TOGARAM1: variants seen among roughly 807,000 people sequenced by gnomAD.
TOGARAM1 encodes the protein TOG array regulator of axonemal microtubules protein 1.
Under a neutral mutation model 166.6 loss-of-function variants are expected in TOGARAM1, and 100 were observed. The ratio of observed to expected loss-of-function variants is 0.60; its 90% CI spans 0.51 to 0.71. The LOEUF (loss-of-function observed/expected upper bound fraction) is 0.71, where lower values mean the gene tolerates loss of function less well. Ranked by LOEUF, TOGARAM1 falls within the 30% of genes least tolerant of loss-of-function variation. TOGARAM1 has a pLI of 0.00. For missense variants in TOGARAM1, 2,029 were observed against 2,102.7 expected (o/e 0.96, Z 0.69); for synonymous variants, 758 against 763.8 (o/e 0.99, Z 0.13).
Position 44,964,831 on chromosome 14 carries a change from G to C in TOGARAM1, c.2046+364G>C, listed in dbSNP as rs111403989. 3.9e-3 allele frequency among the ~76,000 whole-genome samples: 588 copies of C among 151,064 alleles called. 4 individuals are homozygous for C. The highest frequency in any genetic ancestry group is 0.013 in the African/African-American group (549 of 41,190). The stretch of plus-strand genomic sequence containing the variant: ...ATGAAGATGAGGCCAGTTTCACACA[G>C]TATAGGAAAAAGGTCAGACCTGGGA... On this transcript the variant is annotated intron_variant, in intron 1 of 19. Coordinates refer to ENST00000361462, the MANE Select transcript of TOGARAM1 (RefSeq NM_001308120.2).
rs908161129 is a variant in TOGARAM1, at chr14:44,962,692, G to C, written c.271G>C (p.Gly91Arg). ...GTCTGAGTCTGGAGGCGGTTTGTCA[G>C]GGGGAGATGAAGAGGACACTCGGCT... ...SWSESGGGLS[G>R]GDEEDTRLLQ... Residue 91 changes from glycine to arginine, a missense_variant, in exon 1 of 20, where the codon GGG (glycine) becomes CGG (arginine). Coordinates refer to ENST00000361462, the MANE Select transcript of TOGARAM1 (RefSeq NM_001308120.2). 2 of 1,614,174 alleles carry C rather than the reference G, an allele frequency of 1.2e-6. No individual in the cohort carries two copies.
chr14:45,028,189 T>G lies in TOGARAM1; in HGVS notation c.3518T>G (p.Ile1173Ser). ...TTTTTCATGCAGGCTAAAGTTTCTA[T>G]TTCTAAATCTACTTATAACAAGATG... The part of the protein sequence containing the change: ...VENEKDAKVS[I>S]SKSTYNKMRQ... The change falls in exon 10 of 20, where the codon ATT (isoleucine) becomes AGT (serine). Residue 1173 changes from isoleucine (I) to serine (S), a missense_variant. Ile to Ser is a moderately radical substitution (Grantham distance 142). This residue lies in a region of TOGARAM1 where 1,453 missense variants were observed against 1,432.2 expected (regional missense o/e 1.01). Coordinates refer to ENST00000361462, the MANE Select transcript of TOGARAM1 (RefSeq NM_001308120.2). 2 of 1,571,684 alleles carry G rather than the reference T, an allele frequency of 1.3e-6. No individual in the cohort carries two copies. Among genetic ancestry groups the G allele is most frequent in the Non-Finnish European group, 1.7e-6 (2 of 1,167,244 alleles).
chr14:45,013,388 A>G (rs892376814), intron 7 of TOGARAM1, among the ~76,000 whole-genome samples: 1 of 152,216 alleles, frequency 6.6e-6, no homozygotes, highest in African/African-American at 2.4e-5. Context: ...ATTACCTATC[A>G]AGGCTTATCA....
At chr14:45,036,212 C>T (rs1457967537) in intron 11 of TOGARAM1, among the ~76,000 whole-genome samples, 1 of 142,016 alleles carries the variant, frequency 7.0e-6, no homozygotes, top group African/African-American at 2.6e-5. Flanking sequence ...AAAGGGAAGA[C>T]ATGGCAGTAT....
chr14:45,010,805 G>A (rs1879742466), intron 6 of TOGARAM1, among the ~76,000 whole-genome samples: 1 of 152,142 alleles, frequency 6.6e-6, no homozygotes, highest in Non-Finnish European at 1.5e-5. Flanking sequence ...GTCCTTAGGT[G>A]GGTTGGGGAG....
chr14:44,993,132 A>G (rs1887235958), intron 1 of TOGARAM1, among the ~76,000 whole-genome samples: 1 of 151,568 alleles, frequency 6.6e-6, no homozygotes. Context: ...ATAAAATAAA[A>G]ATAAAATTAG....
intron 1 of TOGARAM1, chr14:44,995,498 AG>A (rs1566617873): frequency 2.0e-6 from 1 of 506,316 alleles, no homozygotes; most frequent in Admixed American, 2.3e-5. Context: ...AGTCTGCTGT[AG>A]GATGGTAAGG....
At chr14:44,975,138 C>T (rs1344745011) in intron 1 of TOGARAM1, among the ~76,000 whole-genome samples, 2 of 152,074 alleles carry the variant, frequency 1.3e-5, no homozygotes, top group Non-Finnish European at 2.9e-5. Flanking sequence ...TGATTAAAAA[C>T]AGAATTTTCC....
At chr14:45,045,424 T>C (rs961115595) in intron 13 of TOGARAM1, among the ~76,000 whole-genome samples, 14 of 150,286 alleles carry the variant, frequency 9.3e-5, no homozygotes, top group Admixed American at 4.0e-4. Flanking sequence ...TGAGAACATA[T>C]GGTTTTTGGT....
chr14:44,995,398 C>T, intron 1 of TOGARAM1: 1 of 450,660 alleles, frequency 2.2e-6, no homozygotes, highest in South Asian at 1.6e-5. Flanking sequence ...TTGTCTAGTA[C>T]TCAAACAAAG....
chr14:45,003,543 TG>T (rs1343103313), intron 3 of TOGARAM1, among the ~76,000 whole-genome samples: 1 of 152,150 alleles, frequency 6.6e-6, no homozygotes, highest in Non-Finnish European at 1.5e-5. Context: ...AGTTTTTCAT[TG>T]AAGTGATCTT....
chr14:45,062,417 T>G (rs1394615376), intron 16 of TOGARAM1, among the ~76,000 whole-genome samples: 1 of 152,178 alleles, frequency 6.6e-6, no homozygotes, highest in Non-Finnish European at 1.5e-5. Flanking sequence ...GTTAGTAGAC[T>G]ATTTTAGTTT....
At chr14:45,034,941 T>G (rs1881346676) in intron 11 of TOGARAM1, among the ~76,000 whole-genome samples, 1 of 152,076 alleles carries the variant, frequency 6.6e-6, no homozygotes, top group African/African-American at 2.4e-5. Flanking sequence ...ACAAAGACAT[T>G]GTAACTGTAA....
At chr14:45,050,740 G>C (rs1453843689) in intron 14 of TOGARAM1, among the ~76,000 whole-genome samples, 1 of 151,856 alleles carries the variant, frequency 6.6e-6, no homozygotes, top group African/African-American at 2.4e-5. Flanking sequence ...TCAGCCTCCT[G>C]AGTTGCTGGG....
chr14:45,032,030 C>T (rs1387456038), intron 10 of TOGARAM1, among the ~76,000 whole-genome samples, 193 bp from the exon 11 acceptor site: 4 of 152,028 alleles, frequency 2.6e-5, no homozygotes, highest in South Asian at 2.1e-4. Context: ...CATTGTGGTG[C>T]GCACCTGTAG....
rs751735928 is a variant in TOGARAM1 at position 45,009,138 on chromosome 14, A to G, written c.3130A>G (p.Arg1044Gly). The G allele has an allele frequency of 6.2e-6, 10 of 1,606,974 alleles. No individual in the cohort carries two copies. In the Admixed American group the frequency reaches 6.7e-5, roughly 11 times the overall value. The change falls in exon 6 of 20, where the codon AGA becomes GGA. Residue 1044 changes from arginine (R) to glycine (G), a missense_variant. Arg to Gly is a moderately radical substitution (Grantham distance 125). This residue lies in a region of TOGARAM1 where 1,453 missense variants were observed against 1,432.2 expected (regional missense o/e 1.01). Transcript: ENST00000361462. Reference sequence around the variant, plus strand: ...TCTGTCTACAACTCCCCAGGGGAAGAGAATAATGTATTTTATTTTTTGACG... The same window carrying G: ...TCTGTCTACAACTCCCCAGGGGAAGGGAATAATGTATTTTATTTTTTGACG... ...SSLSTTPQGK[R>G]IMSDIFPTFG...
Position 44,963,876 on chromosome 14 carries a change from A to G in TOGARAM1, c.1455A>G (p.Arg485=), listed in dbSNP as rs1885366967. 1 of 1,614,052 alleles carries G rather than the reference A, an allele frequency of 6.2e-7. No individual in the cohort carries two copies. Among genetic ancestry groups the G allele is most frequent in the Non-Finnish European group, 8.5e-7 (1 of 1,179,922 alleles). The change falls in exon 1 of 20, where the codon AGA becomes AGG. Residue 485 remains arginine, a synonymous_variant. Transcript: ENST00000361462. ...LLEHLKHKHS[R]VREEVVNICI... is the part of the protein sequence containing the mutation. ...AACATCTCAAACATAAGCATTCCAGAGTGAGAGAGGAGGTGGTGAACATTT... is the reference window on the plus strand; with the variant it reads ...AACATCTCAAACATAAGCATTCCAGGGTGAGAGAGGAGGTGGTGAACATTT...
At chr14:45,003,939 C>T in intron 3 of TOGARAM1, 122 bp from the exon 4 acceptor site, 2 of 674,266 alleles carry the variant, frequency 3.0e-6, no homozygotes, top group Non-Finnish European at 4.8e-6. Flanking sequence ...TACCTCATAC[C>T]ATACAAAAAT....
Position 44,962,797 on chromosome 14 carries a change from C to A in TOGARAM1, c.376C>A (p.Arg126=), listed in dbSNP as rs1336044984. 1 of 1,612,362 alleles carries A rather than the reference C, an allele frequency of 6.2e-7. No individual in the cohort carries two copies. The highest frequency in any genetic ancestry group is 1.3e-5 in the African/African-American group (1 of 75,042). ...LQAALPRRGG[R]LGFPRRKEAL... ...AGCTGCTTTGCCGCGGCGGGGCGGT[C>A]GACTTGGCTTCCCCCGACGCAAGGA... Residue 126 remains arginine (R), a synonymous_variant, in exon 1 of 20, where the codon CGA becomes AGA. Coordinates refer to ENST00000361462, the MANE Select transcript of TOGARAM1 (RefSeq NM_001308120.2).
Sources: gnomAD v4.1 joint callset for allele counts (sites outside exome capture counted in the v4.1 genomes callset) on GRCh38, gnomAD v4.1.1 for gene constraint, gnomAD v4.1.1 regional missense constraint, MANE v1.5 for transcripts, NCBI Gene and HGNC (gene_info 2026-07-23, HGNC 2026-07-21) for gene names.